FLNB: variants seen among roughly 807,000 people sequenced by gnomAD.
FLNB encodes the protein filamin-B.
FLNB carries 111 observed loss-of-function variants against 250.6 expected under a neutral mutation model. The ratio of observed to expected loss-of-function variants is 0.44; its 90% CI spans 0.38 to 0.52. The LOEUF is 0.52. FLNB is among the 20% of genes least tolerant of loss of function. The probability of loss-of-function intolerance (pLI) is 0.00; values close to 1 mark genes in which losing one functional copy is unlikely to be tolerated. For missense variants in FLNB, 2,869 were observed against 3,447.8 expected, an observed-to-expected ratio of 0.83 and a Z score of 4.20; for synonymous variants, 1,302 against 1,372.1, an observed-to-expected ratio of 0.95 and a Z score of 1.13.
At position 58,146,055 on chromosome 3, in the gene FLNB, G is replaced by A. The variant is rs764423248; in HGVS notation, c.5554+6G>A. The A allele has an allele frequency of 1.2e-6, 2 of 1,614,216 alleles. No homozygotes were observed. The highest frequency in any genetic ancestry group is 1.7e-6 in the Non-Finnish European group (2 of 1,180,026). ...CACAGAGGATGCAGGAGAAGGTACT[G>A]TGTGGTTTACGTGTTTATACGCCTC... On this transcript the variant is annotated splice_donor_region_variant and intron_variant, in intron 33 of 45. Coordinates refer to ENST00000295956, the MANE Select transcript of FLNB (RefSeq NM_001457.4).
chr3:58,131,223 G>C (rs1490883657), intron 25 of FLNB, among the ~76,000 whole-genome samples: 1 of 152,100 alleles, frequency 6.6e-6, no homozygotes, highest in African/African-American at 2.4e-5. Flanking sequence ...TGAGGGGGTG[G>C]GTTGCTCTGG....
Position 58,112,192 on chromosome 3 carries a change from G to C in FLNB, c.2619G>C (p.Lys873Asn), listed in dbSNP as rs1333418796. The C allele has an allele frequency of 6.2e-7, 1 of 1,614,142 alleles. No homozygotes were observed. Among genetic ancestry groups the C allele is most frequent in the Non-Finnish European group, 8.5e-7 (1 of 1,179,980 alleles). ...GKPTHFTVYT[K>N]GAGKAPLNVQ... is the part of the protein sequence containing the mutation. ...CGACCCACTTCACTGTCTACACCAA[G>C]GGGGCTGGGAAAGCCCCGCTCAACG... Residue 873 changes from lysine (K) to asparagine (N), a missense_variant, in exon 18 of 46, where the codon AAG becomes AAC. Lys to Asn is a moderately conservative substitution (Grantham distance 94). This residue lies in a region of FLNB where 1,348 missense variants were observed against 1,466.7 expected (regional missense o/e 0.92). Coordinates refer to ENST00000295956, the MANE Select transcript of FLNB (RefSeq NM_001457.4).
chr3:58,169,934 C>T lies in FLNB; in HGVS notation c.7621+141C>T. ...CGTTTGCAAGTAACCATCGTCATGACCCTGTTCTCCTGCACTTAATATTTT... is the reference window on the plus strand; with the variant it reads ...CGTTTGCAAGTAACCATCGTCATGATCCTGTTCTCCTGCACTTAATATTTT... On this transcript the variant is annotated intron_variant, in intron 45 of 45. Transcript: ENST00000295956. The surrounding 1 kb of genome is among the most constrained non-coding windows in gnomAD (Gnocchi z 4.8). 1.6e-6 allele frequency: 1 copy of T among 628,618 alleles called. No homozygotes were observed. Among genetic ancestry groups the T allele is most frequent in the Admixed American group, 2.9e-5 (1 of 34,594 alleles). 38.9% of individuals were successfully genotyped at this position (628,618 alleles called of 1,614,324 possible).
intron 4 of FLNB, among the ~76,000 whole-genome samples, chr3:58,086,282 A>G (rs1008524622): frequency 6.6e-6 from 1 of 151,804 alleles, no homozygotes; most frequent in Non-Finnish European, 1.5e-5. Context: ...GATTACAGGC[A>G]TGAGCCACCA....
At chr3:58,135,416 G>A (rs1559720140) in intron 27 of FLNB, among the ~76,000 whole-genome samples, 1 of 152,108 alleles carries the variant, frequency 6.6e-6, no homozygotes, top group Non-Finnish European at 1.5e-5. Flanking sequence ...CAGTGCTCTG[G>A]CCATCACATC....
At chr3:58,122,068 C>T (rs1472066610) in intron 20 of FLNB, among the ~76,000 whole-genome samples, 5 of 147,938 alleles carry the variant, frequency 3.4e-5, no homozygotes, top group Non-Finnish European at 7.4e-5. Flanking sequence ...ACTCGGGAGG[C>T]TGAGGCAGGA....
In FLNB at chr3:58,148,784, A is replaced by C. The variant is rs1386999602; in HGVS notation, c.6023A>C (p.Tyr2008Ser). 4 of 1,614,082 alleles carry C rather than the reference A, an allele frequency of 2.5e-6. No individual in the cohort carries two copies. The South Asian group carries it at 4.4e-5, about 18-fold the overall frequency. The stretch of plus-strand genomic sequence containing the variant: ...GGTGACGCCCGCCGAGCCAAAGTCT[A>C]TGGCCGCGGCCTGTCAGAAGGCCGG... Reference protein sequence around the residue: ...EIGDARRAKVYGRGLSEGRTF... With the variant: ...EIGDARRAKVSGRGLSEGRTF... Residue 2008 changes from tyrosine to serine, a missense_variant, in exon 36 of 46, where the codon TAT becomes TCT. Physicochemically the swap from Tyr to Ser is moderately radical, Grantham distance 144. Transcript: ENST00000295956.
At chr3:58,118,160 C>T (rs1374605177) in intron 18 of FLNB, among the ~76,000 whole-genome samples, 2 of 152,232 alleles carry the variant, frequency 1.3e-5, no homozygotes, top group Non-Finnish European at 2.9e-5. Context: ...GCGTGCCACC[C>T]GGCCACCCGT....
intron 8 of FLNB, among the ~76,000 whole-genome samples, chr3:58,100,373 A>AAAAAATATATATATATAT: frequency 1.9e-5 from 2 of 104,386 alleles, no homozygotes; most frequent in African/African-American, 4.6e-5. Flanking sequence ...GTAAAAAAAA[A>AAAAAATATATATATATAT]ATATATATAT....
intron 1 of FLNB, among the ~76,000 whole-genome samples, chr3:58,032,407 G>C (rs906915267): frequency 1.3e-5 from 2 of 152,252 alleles, no homozygotes; most frequent in East Asian, 1.9e-4. Flanking sequence ...AGAATGTAAG[G>C]CTTCCTCTGT....
intron 1 of FLNB, among the ~76,000 whole-genome samples, chr3:58,023,804 G>A (rs2097118468): frequency 1.3e-5 from 2 of 152,220 alleles, no homozygotes; most frequent in African/African-American, 4.8e-5. Flanking sequence ...GCCACTTTCT[G>A]TCTCTTAAAA....
intron 1 of FLNB, among the ~76,000 whole-genome samples, chr3:58,049,347 C>T (rs908086420): frequency 3.3e-5 from 5 of 152,140 alleles, no homozygotes; most frequent in Non-Finnish European, 5.9e-5. Context: ...GTGGTATCTC[C>T]GTGCTGTGGC....
At chr3:58,077,782 T>G (rs2097203725) in intron 2 of FLNB, among the ~76,000 whole-genome samples, 1 of 152,226 alleles carries the variant, frequency 6.6e-6, no homozygotes. Flanking sequence ...AAATAGCATT[T>G]GGTCAGGATC....
At chr3:58,027,216 G>A (rs773537719) in intron 1 of FLNB, among the ~76,000 whole-genome samples, 6 of 151,824 alleles carry the variant, frequency 4.0e-5, no homozygotes, top group East Asian at 1.9e-4. Context: ...GCAGTGGCGC[G>A]ATCTCGGCTC....
rs1037295504 is a variant in FLNB, at chr3:58,172,246, C to T, written c.*1484C>T. ...AACTTATTAAATAAAACATTTGCTC[C>T]GTAAAGTTGCCTTGGTGTTCTTGGA... On this transcript the variant is annotated 3_prime_UTR_variant, in exon 46 of 46. Coordinates refer to ENST00000295956, the MANE Select transcript of FLNB (RefSeq NM_001457.4). The T allele has an allele frequency of 1.3e-5, 2 of 152,544 alleles. No individual in the cohort carries two copies. Among genetic ancestry groups the T allele is most frequent in the African/African-American group, 4.8e-5 (2 of 41,410 alleles). The allele number at this position is 152,544 out of a possible 1,614,324, so 9.4% of individuals were successfully genotyped here.
intron 1 of FLNB, among the ~76,000 whole-genome samples, chr3:58,070,644 ATCTC>A (rs748194223): frequency 0.025 from 3,566 of 143,766 alleles, 98 homozygotes; most frequent in African/African-American, 0.08. Flanking sequence ...CACACACCCC[ATCTC>A]TCTCTCTCTC....
chr3:58,103,265 G>GGTGT (rs10571409), intron 9 of FLNB, among the ~76,000 whole-genome samples: 7,583 of 148,126 alleles, frequency 0.051, 228 homozygotes, highest in Non-Finnish European at 0.063. Flanking sequence ...AGCCAAGGAG[G>GGTGT]GTGTGTGTGT....
Position 58,051,867 on chromosome 3 carries a change from C to T in FLNB, c.293-25179C>T, listed in dbSNP as rs76148484. 2.0e-4 allele frequency among the ~76,000 whole-genome samples: 30 copies of T among 152,040 alleles called. No individual in the cohort carries two copies. In the East Asian group the frequency reaches 5.0e-3, roughly 25 times the overall value. On this transcript the variant is annotated intron_variant, in intron 1 of 45. Coordinates refer to ENST00000295956, the MANE Select transcript of FLNB (RefSeq NM_001457.4). ...GTTGGAGAGTTGGGCTGGATGGATG[C>T]GGTCAGGGGAGAGACTCGCTTTATT...
intron 1 of FLNB, among the ~76,000 whole-genome samples, chr3:58,053,455 A>G (rs538991483): frequency 1.3e-5 from 2 of 152,150 alleles, no homozygotes; most frequent in Non-Finnish European, 2.9e-5. Context: ...ATAAGCAAAA[A>G]CAAAACATTT....
Sources: allele counts gnomAD v4.1 joint callset (sites outside exome capture counted in the v4.1 genomes callset), GRCh38; gene constraint gnomAD v4.1.1; regional missense constraint gnomAD v4.1.1; non-coding constraint Gnocchi (gnomAD v3.1); transcripts MANE v1.5; gene names NCBI Gene and HGNC (gene_info 2026-07-23, HGNC 2026-07-21).